SLC2A14: variants seen among roughly 807,000 people sequenced by gnomAD.
SLC2A14 encodes solute carrier family 2 member 14.
In SLC2A14, 13 loss-of-function variants were observed where a neutral mutation model predicts 43.0. That is an observed-to-expected ratio of 0.30 (90% CI 0.20 to 0.48). SLC2A14 has a LOEUF of 0.48. SLC2A14 is among the 20% of genes least tolerant of loss of function. The pLI, the probability that SLC2A14 is intolerant of heterozygous loss-of-function variation, is 0.99. For synonymous variants in SLC2A14, 190 were observed against 233.8 expected, an observed-to-expected ratio of 0.81 and a Z score of 1.71; for missense variants, 428 against 620.4, an observed-to-expected ratio of 0.69 and a Z score of 3.29.
intron 2 of SLC2A14, among the ~76,000 whole-genome samples, chr12:7,838,367 T>G (rs1592210055): frequency 6.6e-6 from 1 of 152,174 alleles, no homozygotes; most frequent in Non-Finnish European, 1.5e-5. Context: ...ATTACAGGTG[T>G]GAGCCAACGT....
chr12:7,832,946 G>A (rs777183699), intron 2 of SLC2A14, 132 bp from the exon 3 acceptor site: 4 of 761,932 alleles, frequency 5.2e-6, no homozygotes, highest in East Asian at 5.4e-5. Context: ...AACATCAAAC[G>A]AGATTTAGGT....
In SLC2A14 at chr12:7,880,690, CA is replaced by C. The variant is rs753621437; in HGVS notation, c.132+10305del. On this transcript the variant is annotated intron_variant, in intron 1 of 9. Coordinates refer to the SLC2A14 transcript ENST00000539924. ...AAAAATACAAACATTAGCTGGGTCTCAAAAAAAAAAAAAAAAAAAAAAAAGA... is the reference window on the plus strand; with the variant it reads ...AAAAATACAAACATTAGCTGGGTCTCAAAAAAAAAAAAAAAAAAAAAAAGA... Among the ~76,000 whole-genome samples the C allele has an allele frequency of 2.6e-3, 169 of 65,130 alleles. 1 individual carries two copies. Among genetic ancestry groups the C allele is most frequent in the African/African-American group, 7.8e-3 (151 of 19,374 alleles). 42.7% of individuals were successfully genotyped at this position (65,130 alleles called of 152,430 possible). A position where few individuals can be genotyped will look rare whatever the true frequency, so the allele number is the denominator to read the frequency against.
intron 2 of SLC2A14, among the ~76,000 whole-genome samples, chr12:7,863,619 T>TAA (rs1336497496): frequency 2.0e-5 from 3 of 150,516 alleles, no homozygotes; most frequent in Non-Finnish European, 4.4e-5. Flanking sequence ...GACTCCATCT[T>TAA]AAAAAAAAAT....
chr12:7,873,642 AAAACAAACAAAC>A (rs144363840), upstream of SLC2A14, among the ~76,000 whole-genome samples: 128,958 of 151,130 alleles, frequency 0.85, 55,327 homozygotes, highest in South Asian at 0.96. Flanking sequence ...TCCGTCTCAA[AAAACAAACAAAC>A]AAACAAACAA....
chr12:7,838,256 T>A (rs948511018), intron 2 of SLC2A14, among the ~76,000 whole-genome samples: 1 of 151,858 alleles, frequency 6.6e-6, no homozygotes, highest in African/African-American at 2.4e-5. Flanking sequence ...CCTGGTTAAT[T>A]TCTGCATTTT....
intron 9 of SLC2A14, among the ~76,000 whole-genome samples, chr12:7,818,722 A>G (rs904257395): frequency 2.0e-5 from 3 of 149,902 alleles, no homozygotes; most frequent in African/African-American, 7.4e-5. Context: ...GTTTCTTGCC[A>G]TGTTGCCTAG....
At position 7,884,471 on chromosome 12, in the gene SLC2A14, G is replaced by A. The variant is rs969060899; in HGVS notation, c.132+6525C>T. On this transcript the variant is annotated intron_variant, in intron 1 of 9. Coordinates refer to the SLC2A14 transcript ENST00000539924. ...AAGAGTGGAACAAGGAGTTTGATCT[G>A]TAACTGACCCTGAACAATCAATTGG... Among the ~76,000 whole-genome samples the A allele has an allele frequency of 2.0e-5, 3 of 152,222 alleles. No homozygotes were observed. The East Asian group carries it at 5.8e-4, about 29-fold the overall frequency.
intron 2 of SLC2A14, among the ~76,000 whole-genome samples, chr12:7,834,530 C>T (rs1193981811): frequency 3.5e-5 from 4 of 113,232 alleles, no homozygotes; most frequent in Non-Finnish European, 7.0e-5. Flanking sequence ...TTCTCTCTCT[C>T]TTTTTTTTTT....
Position 7,814,219 on chromosome 12 carries a change from T to C in SLC2A14, c.*97A>G. 1.4e-6 allele frequency: 2 copies of C among 1,445,722 alleles called. No homozygotes were observed. The highest frequency in any genetic ancestry group is 1.9e-6 in the Non-Finnish European group (2 of 1,065,016). The allele number at this position is 1,445,722 out of a possible 1,614,324, so 89.6% of individuals were successfully genotyped here. Reference sequence around the variant, plus strand: ...ATGAGAAAGAAATCAAGTAGCAGCATTCAGAAGCAGTCCTGGGTTCATCCT... The same window carrying C: ...ATGAGAAAGAAATCAAGTAGCAGCACTCAGAAGCAGTCCTGGGTTCATCCT... On this transcript the variant is annotated 3_prime_UTR_variant, in exon 11 of 11. Transcript: ENST00000431042.
At chr12:7,863,200 G>A (rs968035734) in intron 2 of SLC2A14, among the ~76,000 whole-genome samples, 23 of 151,998 alleles carry the variant, frequency 1.5e-4, no homozygotes, top group African/African-American at 2.7e-4. Flanking sequence ...AGGAACGAAC[G>A]ACTCCTGACG....
At chr12:7,880,317 A>G (rs1308053624) in intron 1 of SLC2A14, among the ~76,000 whole-genome samples, 1 of 150,982 alleles carries the variant, frequency 6.6e-6, no homozygotes, top group Admixed American at 6.6e-5. Context: ...AAATAAATAA[A>G]TACATATTTT....
At chr12:7,883,559 C>T (rs1020137531) in intron 1 of SLC2A14, among the ~76,000 whole-genome samples, 8 of 149,906 alleles carry the variant, frequency 5.3e-5, no homozygotes, top group Non-Finnish European at 7.4e-5. Flanking sequence ...AGCCACCACG[C>T]CCGGCCTCTT....
Position 7,827,626 on chromosome 12 carries a change from C to G in SLC2A14, c.733G>C (p.Asp245His), listed in dbSNP as rs1253282795. The change falls in exon 7 of 11, where the codon GAT becomes CAT. Residue 245 changes from aspartate to histidine, a missense_variant. By Grantham distance (81) the Asp-to-His change is moderately conservative. Transcript: ENST00000431042. ...DVSQDIQEMK[D>H]ESARMSQEKQ... Reference sequence around the variant, plus strand: ...TCTTGTGACATCCTTGCACTCTCATCTTTCATCTCCTGGATGTCTTGGGAT... The same window carrying G: ...TCTTGTGACATCCTTGCACTCTCATGTTTCATCTCCTGGATGTCTTGGGAT... The G allele has an allele frequency of 6.2e-7, 1 of 1,613,134 alleles. No homozygotes were observed. Among genetic ancestry groups the G allele is most frequent in the East Asian group, 2.2e-5 (1 of 44,854 alleles).
intron 2 of SLC2A14, among the ~76,000 whole-genome samples, chr12:7,857,880 T>C (rs1479351654): frequency 6.6e-6 from 1 of 152,018 alleles, no homozygotes; most frequent in Admixed American, 6.6e-5. Flanking sequence ...CATGAACACT[T>C]TGGGAGGCCA....
intron 7 of SLC2A14, among the ~76,000 whole-genome samples, chr12:7,826,861 T>TCTTTTTTTTCTTTCTTTCTTTCTTTC (rs1555121667): frequency 1.5e-4 from 9 of 60,328 alleles, no homozygotes; most frequent in South Asian, 1.3e-3. Flanking sequence ...TTCCTTTCTT[T>TCTTTTTTTTCTTTCTTTCTTTCTTTC]TTTCTTTCTT....
Position 7,814,366 on chromosome 12 carries a change from T to C in SLC2A14, c.1444A>G (p.Met482Val). 2 of 1,611,042 alleles carry C rather than the reference T, an allele frequency of 1.2e-6. No homozygotes were observed. The highest frequency in any genetic ancestry group is 1.7e-6 in the Non-Finnish European group (2 of 1,178,924). ...GCAGGCTCGATGCTGTTCATCCCCATGACGCCGTCCTTCCCAGATCTATCT... is the reference window on the plus strand; with the variant it reads ...GCAGGCTCGATGCTGTTCATCCCCACGACGCCGTCCTTCCCAGATCTATCT... ...GADRSGKDGV[M>V]GMNSIEPAKE... Residue 482 changes from methionine (M) to valine (V), a missense_variant, in exon 11 of 11, where the codon ATG (methionine) becomes GTG (valine). Physicochemically the swap from Met to Val is conservative, Grantham distance 21. Around this residue, in one of 4 missense-constraint regions of SLC2A14, gnomAD observed 119 missense variants for 188.7 expected, o/e 0.63. Coordinates refer to ENST00000431042, the MANE Select transcript of SLC2A14 (RefSeq NM_001286234.2).
chr12:7,837,578 C>T (rs771907526), intron 2 of SLC2A14, among the ~76,000 whole-genome samples: 39 of 138,810 alleles, frequency 2.8e-4, no homozygotes, highest in East Asian at 2.4e-3. Flanking sequence ...GCGGAGGTTG[C>T]AGTCAGCCGA....
At chr12:7,865,536 CA>C (rs777728882) in intron 2 of SLC2A14, among the ~76,000 whole-genome samples, 39 of 135,084 alleles carry the variant, frequency 2.9e-4, no homozygotes, top group Non-Finnish European at 3.0e-4. Flanking sequence ...GACTCTGTCT[CA>C]AAAAAAAAAA....
chr12:7,845,818 G>A (rs957027958), intron 2 of SLC2A14, among the ~76,000 whole-genome samples: 4 of 149,498 alleles, frequency 2.7e-5, no homozygotes, highest in Admixed American at 2.0e-4. Context: ...AAGGCCAGGC[G>A]TGGTGGCTCA....
Sources: allele counts gnomAD v4.1 joint callset (sites outside exome capture counted in the v4.1 genomes callset), GRCh38; gene constraint gnomAD v4.1.1; regional missense constraint gnomAD v4.1.1; transcripts MANE v1.5; gene names NCBI Gene and HGNC (gene_info 2026-07-23, HGNC 2026-07-21).